Variants in TPRG1 observed in about 807,000 individuals in gnomAD.
TPRG1 encodes tumor protein p63-regulated gene 1 protein.
TPRG1 carries 29 observed loss-of-function variants against 29.3 expected under a neutral mutation model. The observed-to-expected ratio is 0.99, with a 90% CI of 0.74 to 1.35. TPRG1 has a LOEUF of 1.35. Among genes scored for constraint, TPRG1 ranks in the 40% most tolerant of loss-of-function variants. TPRG1 has a pLI of 0.00. For synonymous variants in TPRG1, 130 were observed against 116.8 expected, an observed-to-expected ratio of 1.11 and a Z score of -0.73; for missense variants, 327 against 335.0, an observed-to-expected ratio of 0.98 and a Z score of 0.19.
chr3:189,057,907 C>T (rs551831621), intron 4 of TPRG1, among the ~76,000 whole-genome samples: 44 of 146,576 alleles, frequency 3.0e-4, no homozygotes, highest in Non-Finnish European at 4.9e-4. Flanking sequence ...TATATACACA[C>T]GTATATATCT....
intron 1 of TPRG1, among the ~76,000 whole-genome samples, chr3:188,997,797 T>C (rs535802644): frequency 6.6e-6 from 1 of 152,348 alleles, no homozygotes; most frequent in African/African-American, 2.4e-5. Context: ...TATATCTTTA[T>C]GACTATATCA....
intron 1 of TPRG1, among the ~76,000 whole-genome samples, chr3:189,183,752 C>A (rs907798692): frequency 6.6e-6 from 1 of 151,926 alleles, no homozygotes; most frequent in Non-Finnish European, 1.5e-5. Context: ...TCTCTTGTTT[C>A]CCAAACATTG....
chr3:189,215,829 A>G (rs958955422), intron 3 of TPRG1, among the ~76,000 whole-genome samples: 1 of 152,202 alleles, frequency 6.6e-6, no homozygotes, highest in Non-Finnish European at 1.5e-5. Context: ...ACAATCATGA[A>G]CAGAAAAACC....
chr3:189,094,658 C>T (rs1718558603), intron 4 of TPRG1, among the ~76,000 whole-genome samples: 1 of 152,156 alleles, frequency 6.6e-6, no homozygotes, highest in Non-Finnish European at 1.5e-5. Context: ...CTCAACTTCA[C>T]CCAGGTGTAA....
chr3:189,243,109 G>T (rs1740873334), intron 4 of TPRG1, among the ~76,000 whole-genome samples: 1 of 151,974 alleles, frequency 6.6e-6, no homozygotes, highest in African/African-American at 2.4e-5. Flanking sequence ...AGTTTAATTG[G>T]CTTATAGTTC....
At chr3:189,309,152 A>G (rs1053344376) in intron 4 of TPRG1, among the ~76,000 whole-genome samples, 2 of 151,624 alleles carry the variant, frequency 1.3e-5, no homozygotes, top group African/African-American at 4.8e-5. Context: ...TATAATCATC[A>G]AAAATCTGAT....
At chr3:189,146,579 C>T (rs754352837) in intron 3 of TPRG1, among the ~76,000 whole-genome samples, 16 of 152,098 alleles carry the variant, frequency 1.1e-4, no homozygotes, top group Non-Finnish European at 2.2e-4. Context: ...TTGTACATAC[C>T]CATGTTAGAG....
chr3:189,174,599 C>G (rs1729240790), intron 1 of TPRG1, among the ~76,000 whole-genome samples: 1 of 152,116 alleles, frequency 6.6e-6, no homozygotes, highest in African/African-American at 2.4e-5. Context: ...GTTAATGGCA[C>G]CAGGGAAGAG....
At chr3:189,250,941 C>A (rs558205667) in intron 4 of TPRG1, among the ~76,000 whole-genome samples, 1 of 152,108 alleles carries the variant, frequency 6.6e-6, no homozygotes, top group Non-Finnish European at 1.5e-5. Flanking sequence ...GGGATTCATG[C>A]ATCATGAGCT....
chr3:189,282,215 C>CAA (rs577174841), intron 4 of TPRG1, among the ~76,000 whole-genome samples: 2 of 94,742 alleles, frequency 2.1e-5, no homozygotes, highest in Non-Finnish European at 3.9e-5. Flanking sequence ...TAGTCCTTTC[C>CAA]AAAAAAAAAA....
chr3:189,198,127 G>C (rs1450594761), intron 1 of TPRG1, among the ~76,000 whole-genome samples: 1 of 152,154 alleles, frequency 6.6e-6, no homozygotes, highest in Non-Finnish European at 1.5e-5. Flanking sequence ...TTGGGTTTGG[G>C]GGTGGGCGGC....
intron 1 of TPRG1, among the ~76,000 whole-genome samples, chr3:189,193,825 A>C (rs1732113601): frequency 6.6e-6 from 1 of 150,554 alleles, no homozygotes; most frequent in African/African-American, 2.5e-5. Flanking sequence ...GATTTTGTTG[A>C]ATCGTCTGTC....
intron 3 of TPRG1, among the ~76,000 whole-genome samples, chr3:189,237,162 T>A (rs1739618189): frequency 6.6e-6 from 1 of 152,168 alleles, no homozygotes; most frequent in Admixed American, 6.5e-5. Context: ...AAAATGGTGA[T>A]AACTGGAACT....
At chr3:189,032,867 G>C (rs1007126897) in intron 4 of TPRG1, among the ~76,000 whole-genome samples, 3 of 150,106 alleles carry the variant, frequency 2.0e-5, no homozygotes, top group Non-Finnish European at 4.4e-5. Context: ...TTGTCCTTGC[G>C]ATAGTTTACT....
chr3:189,017,414 G>A (rs1713004703), intron 3 of TPRG1, among the ~76,000 whole-genome samples: 1 of 151,926 alleles, frequency 6.6e-6, no homozygotes, highest in Non-Finnish European at 1.5e-5. Flanking sequence ...AGAGTGTGAT[G>A]TTCCCCTTCC....
intron 3 of TPRG1, among the ~76,000 whole-genome samples, chr3:189,014,155 C>T (rs1308279450): frequency 6.6e-6 from 1 of 152,060 alleles, no homozygotes; most frequent in Non-Finnish European, 1.5e-5. Flanking sequence ...TTTTTCTTGT[C>T]CATATTTAGT....
intron 4 of TPRG1, among the ~76,000 whole-genome samples, chr3:189,049,114 T>C (rs1715150237): frequency 6.6e-6 from 1 of 152,046 alleles, no homozygotes; most frequent in African/African-American, 2.4e-5. Context: ...TTTGTAATAA[T>C]TTGAACAGGG....
chr3:189,034,110 G>A (rs1714110376), intron 4 of TPRG1, among the ~76,000 whole-genome samples: 1 of 152,152 alleles, frequency 6.6e-6, no homozygotes, highest in Non-Finnish European at 1.5e-5. Flanking sequence ...TAACTTCTAA[G>A]CAACGAGAAG....
intron 1 of TPRG1, among the ~76,000 whole-genome samples, chr3:189,193,657 T>C (rs1017665029): frequency 1.3e-5 from 2 of 151,428 alleles, no homozygotes; most frequent in African/African-American, 4.9e-5. Flanking sequence ...ATTACCTATC[T>C]TCAAATTCAG....
Sources: allele counts gnomAD v4.1 joint callset (sites outside exome capture counted in the v4.1 genomes callset), GRCh38; gene constraint gnomAD v4.1.1; transcripts MANE v1.5; gene names NCBI Gene and HGNC (gene_info 2026-07-23, HGNC 2026-07-21).